The following SLC27A6 variants were observed in gnomAD, a reference collection of about 807,000 sequenced individuals.
SLC27A6 encodes solute carrier family 27 member 6.
SLC27A6 carries 74 observed loss-of-function variants against 63.9 expected under a neutral mutation model. The observed-to-expected ratio is 1.16, with a 90% CI of 0.96 to 1.40. The LOEUF (loss-of-function observed/expected upper bound fraction) is 1.40, where lower values mean the gene tolerates loss of function less well. Among genes scored for constraint, SLC27A6 ranks in the 40% most tolerant of loss-of-function variants. The pLI is 0.00. For missense variants in SLC27A6, 794 were observed against 732.9 expected, an observed-to-expected ratio of 1.08 and a Z score of -0.96; for synonymous variants, 287 against 260.8, an observed-to-expected ratio of 1.10 and a Z score of -0.97.
chr5:128,969,157 G>T (rs1750035168), intron 1 of SLC27A6, among the ~76,000 whole-genome samples: 1 of 152,168 alleles, frequency 6.6e-6, no homozygotes, highest in African/African-American at 2.4e-5. Flanking sequence ...TGCTGTTTTG[G>T]TTGCTGTAGC....
intron 1 of SLC27A6, among the ~76,000 whole-genome samples, chr5:128,978,366 T>C (rs571621663): frequency 8.6e-4 from 131 of 152,338 alleles, no homozygotes; most frequent in African/African-American, 3.1e-3. Flanking sequence ...AAAAAGTTAC[T>C]TAATAGTTTA....
chr5:128,972,088 G>T (rs933685820), intron 1 of SLC27A6, among the ~76,000 whole-genome samples: 3 of 152,048 alleles, frequency 2.0e-5, no homozygotes, highest in Non-Finnish European at 2.9e-5. Flanking sequence ...TTGAATATTG[G>T]CCCCCATTCT....
intron 1 of SLC27A6, among the ~76,000 whole-genome samples, chr5:128,973,178 C>T (rs1750249358): frequency 6.6e-6 from 1 of 152,142 alleles, no homozygotes. Context: ...TATGCAGTGT[C>T]AGTTGGCCCC....
chr5:129,006,169 C>T (rs1221059221), intron 4 of SLC27A6, among the ~76,000 whole-genome samples: 1 of 143,740 alleles, frequency 7.0e-6, no homozygotes, highest in Non-Finnish European at 1.5e-5. Context: ...AGCTCCACCT[C>T]CTCCGTTCAC....
chr5:128,976,603 C>T (rs1256614603), intron 1 of SLC27A6, among the ~76,000 whole-genome samples: 3 of 152,130 alleles, frequency 2.0e-5, no homozygotes, highest in Admixed American at 6.5e-5. Flanking sequence ...AAAACAATTG[C>T]CTTTATGGTT....
chr5:128,985,584 A>G (rs1181170574), intron 2 of SLC27A6, among the ~76,000 whole-genome samples: 1 of 152,218 alleles, frequency 6.6e-6, no homozygotes, highest in Non-Finnish European at 1.5e-5. Flanking sequence ...AAAGTTTGGT[A>G]GTACAAAGGG....
At chr5:128,975,075 G>A (rs1190894228) in intron 1 of SLC27A6, among the ~76,000 whole-genome samples, 21 of 152,228 alleles carry the variant, frequency 1.4e-4, no homozygotes, top group Admixed American at 1.4e-3. Context: ...GACGGGCCAG[G>A]CGTGGTGGCT....
chr5:128,971,469 T>C (rs1002478065), intron 1 of SLC27A6, among the ~76,000 whole-genome samples: 2 of 152,072 alleles, frequency 1.3e-5, no homozygotes, highest in Admixed American at 1.3e-4. Flanking sequence ...ATATTCAGGA[T>C]AGTTAGCTCT....
chr5:128,972,049 T>C (rs1386750457), intron 1 of SLC27A6, among the ~76,000 whole-genome samples: 1 of 152,190 alleles, frequency 6.6e-6, no homozygotes, highest in Admixed American at 6.5e-5. Flanking sequence ...TATGAAATTC[T>C]GGGTTGAAAA....
chr5:128,984,862 G>C (rs1024100465), intron 1 of SLC27A6, among the ~76,000 whole-genome samples: 2 of 152,156 alleles, frequency 1.3e-5, no homozygotes, highest in Non-Finnish European at 2.9e-5. Context: ...AATTGGTGGA[G>C]GGAAACCCAT....
In SLC27A6 at chr5:128,985,315, A is replaced by G; in HGVS notation, c.664A>G (p.Ile222Val). The change falls in exon 2 of 10, where the codon ATT becomes GTT. Residue 222 changes from isoleucine (I) to valine (V), a missense_variant. Ile to Val is a conservative substitution (Grantham distance 29). Transcript: ENST00000262462. ...ACTCCTCAAGTCTACTTGTCTTTAC[A>G]TTTTTACCTCTGGAACAACAGGTAT... ...VSLLKSTCLY[I>V]FTSGTTGLPK... is the part of the protein sequence containing the mutation. The G allele has an allele frequency of 1.2e-6, 2 of 1,613,976 alleles. No individual in the cohort carries two copies. Among genetic ancestry groups the G allele is most frequent in the South Asian group, 1.1e-5 (1 of 91,072 alleles).
At chr5:129,002,217 T>C (rs1580727467) in intron 4 of SLC27A6, among the ~76,000 whole-genome samples, 1 of 152,358 alleles carries the variant, frequency 6.6e-6, no homozygotes, top group African/African-American at 2.4e-5. Flanking sequence ...TTCTACATGT[T>C]TGAATGTGGC....
rs766090813 is a variant in SLC27A6 at position 129,029,568 on chromosome 5, T to A, written c.1553-9T>A. 1 of 1,553,670 alleles carries A rather than the reference T, an allele frequency of 6.4e-7. No individual in the cohort carries two copies. Among genetic ancestry groups the A allele is most frequent in the South Asian group, 1.2e-5 (1 of 83,424 alleles). On this transcript the variant is annotated splice_polypyrimidine_tract_variant and intron_variant, in intron 8 of 9. Transcript: ENST00000262462. ...CTTAAAAATGACTCTATTTCAAACT[T>A]TTTTTCAGGTTATGAAGGAAGAGCA...
intron 4 of SLC27A6, among the ~76,000 whole-genome samples, chr5:129,006,186 C>G (rs1345739481): frequency 6.8e-6 from 1 of 147,604 alleles, no homozygotes; most frequent in East Asian, 2.0e-4. Context: ...TCACGCCATT[C>G]TCCCGCCTCA....
At chr5:128,971,939 C>T (rs1411083020) in intron 1 of SLC27A6, among the ~76,000 whole-genome samples, 2 of 152,070 alleles carry the variant, frequency 1.3e-5, no homozygotes, top group Admixed American at 6.6e-5. Flanking sequence ...CCTTTAGGAG[C>T]GCTTGTAAGG....
intron 1 of SLC27A6, among the ~76,000 whole-genome samples, chr5:128,973,757 C>T (rs774935498): frequency 2.0e-5 from 3 of 152,206 alleles, no homozygotes; most frequent in Non-Finnish European, 4.4e-5. Context: ...TCCTACTTTG[C>T]TCACACTCTG....
At chr5:129,024,150 G>A (rs1043392542) in intron 6 of SLC27A6, among the ~76,000 whole-genome samples, 16 of 151,994 alleles carry the variant, frequency 1.1e-4, no homozygotes, top group African/African-American at 3.6e-4. Context: ...TTTAATGCAG[G>A]TGGAACAATT....
intron 4 of SLC27A6, among the ~76,000 whole-genome samples, chr5:129,011,286 G>A (rs1561627232): frequency 1.3e-5 from 2 of 152,158 alleles, no homozygotes; most frequent in African/African-American, 4.8e-5. Flanking sequence ...TTTGTTCCAT[G>A]TCCTTGCCAA....
At chr5:129,001,506 AG>A (rs895829812) in intron 4 of SLC27A6, among the ~76,000 whole-genome samples, 2 of 152,194 alleles carry the variant, frequency 1.3e-5, no homozygotes, top group Non-Finnish European at 1.5e-5. Context: ...AATTGTGAGC[AG>A]GTTTTAGGAA....
Sources: gnomAD v4.1 joint callset for allele counts (sites outside exome capture counted in the v4.1 genomes callset) on GRCh38, gnomAD v4.1.1 for gene constraint, MANE v1.5 for transcripts, NCBI Gene and HGNC (gene_info 2026-07-23, HGNC 2026-07-21) for gene names.